The following SCAF8 variants were observed in gnomAD, a reference collection of about 807,000 sequenced individuals.
SCAF8 encodes the protein SR-related CTD associated factor 8.
SCAF8 carries 23 observed loss-of-function variants against 140.5 expected under a neutral mutation model. That is an observed-to-expected ratio of 0.16 (90% CI 0.12 to 0.23). The LOEUF is 0.23. SCAF8 is among the 10% of genes least tolerant of loss of function. SCAF8 has a pLI of 1.00. For synonymous variants in SCAF8, 575 were observed against 528.9 expected (o/e 1.09, Z -1.20); for missense variants, 1,397 against 1,555.7 (o/e 0.90, Z 1.72).
In SCAF8 at chr6:154,805,355, G is replaced by C; in HGVS notation, c.864-14G>C. On this transcript the variant is annotated splice_polypyrimidine_tract_variant and intron_variant, in intron 8 of 19. Coordinates refer to ENST00000367178, the MANE Select transcript of SCAF8 (RefSeq NM_014892.5). ...TGGGTTTTAAAATATGTTTCCACCT[G>C]TTTTTCCTTTTAGTTCTCACGTTTC... is the stretch of plus-strand genomic sequence containing the variant. 1.3e-6 allele frequency: 2 copies of C among 1,490,612 alleles called. No homozygotes were observed. Among genetic ancestry groups the C allele is most frequent in the South Asian group, 1.1e-5 (1 of 86,998 alleles). The allele number at this position is 1,490,612 out of a possible 1,614,324, so 92.3% of individuals were successfully genotyped here. A position where few individuals can be genotyped will look rare whatever the true frequency, so the allele number is the denominator to read the frequency against.
chr6:154,767,939 T>G (rs1285984809), intron 1 of SCAF8, among the ~76,000 whole-genome samples: 2 of 152,188 alleles, frequency 1.3e-5, no homozygotes, highest in African/African-American at 2.4e-5. Flanking sequence ...CTGTCACCTC[T>G]CTTTTGCTTT....
chr6:154,782,428 CAAAA>C, intron 3 of SCAF8, among the ~76,000 whole-genome samples: 1 of 152,036 alleles, frequency 6.6e-6, no homozygotes, highest in East Asian at 1.9e-4. Flanking sequence ...CAAAACAAAA[CAAAA>C]CAAACAAACA....
chr6:154,777,024 T>C (rs546366800), intron 2 of SCAF8, among the ~76,000 whole-genome samples: 12 of 152,096 alleles, frequency 7.9e-5, no homozygotes, highest in Non-Finnish European at 1.3e-4. Flanking sequence ...CTACTAAAAA[T>C]ACAAAAATTA....
intron 3 of SCAF8, among the ~76,000 whole-genome samples, chr6:154,782,852 T>TTA (rs1179236628): frequency 6.6e-6 from 1 of 152,154 alleles, no homozygotes; most frequent in Admixed American, 6.5e-5. Flanking sequence ...TGGCAGCTGA[T>TTA]TAGATGGTGC....
intron 8 of SCAF8, 127 bp from the exon 9 acceptor site, chr6:154,805,242 G>T: frequency 3.6e-6 from 2 of 561,986 alleles, no homozygotes; most frequent in Non-Finnish European, 3.2e-6. Context: ...TATTAAAATT[G>T]CAAAAGAAAA....
chr6:154,828,324 T>C (rs900753941), intron 18 of SCAF8, among the ~76,000 whole-genome samples: 1 of 152,146 alleles, frequency 6.6e-6, no homozygotes, highest in Non-Finnish European at 1.5e-5. Context: ...TCAGGGTAGA[T>C]GCTATTTTTT....
chr6:154,741,468 A>G (rs1412856152), intron 1 of SCAF8, among the ~76,000 whole-genome samples: 1 of 151,762 alleles, frequency 6.6e-6, no homozygotes, highest in Non-Finnish European at 1.5e-5. Flanking sequence ...GTGCAGAGGC[A>G]TGATCTTGGC....
chr6:154,811,144 C>A (rs907674164), intron 12 of SCAF8, among the ~76,000 whole-genome samples: 1 of 152,110 alleles, frequency 6.6e-6, no homozygotes, highest in African/African-American at 2.4e-5. Flanking sequence ...TATTGATTAT[C>A]CTTGCTCTAG....
At chr6:154,792,534 A>G (rs1055194527) in intron 4 of SCAF8, among the ~76,000 whole-genome samples, 2 of 152,182 alleles carry the variant, frequency 1.3e-5, no homozygotes, top group African/African-American at 4.8e-5. Context: ...CAGCCTTACC[A>G]TCCATATCAT....
rs148466486 is a variant in SCAF8, at chr6:154,768,410, A to G, written c.31-5579A>G. ...TTTTTACTATGATATGCAATTTATT[A>G]GAGAGATGAACTGCTCATGCAGAAA... On this transcript the variant is annotated intron_variant, in intron 1 of 19. Coordinates refer to ENST00000367178, the MANE Select transcript of SCAF8 (RefSeq NM_014892.5). Among the ~76,000 whole-genome samples the G allele has an allele frequency of 7.1e-3, 1,078 of 152,348 alleles. 12 individuals carry two copies. The highest frequency in any genetic ancestry group is 0.011 in the Non-Finnish European group (779 of 68,028).
At position 154,744,010 on chromosome 6, in the gene SCAF8, C is replaced by G. The variant is rs1466456844; in HGVS notation, c.30+10080C>G. ...CCAAACATTTATTAGAAATTAACCA[C>G]TTTACTGGGCACGGTGGCTCACGCC... On this transcript the variant is annotated intron_variant, in intron 1 of 19. Coordinates refer to ENST00000367178, the MANE Select transcript of SCAF8 (RefSeq NM_014892.5). Among the ~76,000 whole-genome samples, 9 of 152,264 alleles carry G rather than the reference C, an allele frequency of 5.9e-5. No individual in the cohort carries two copies. In the East Asian group the frequency reaches 1.5e-3, roughly 26 times the overall value.
chr6:154,794,902 T>C (rs1777553968), intron 5 of SCAF8, 107 bp from the exon 6 acceptor site: 2 of 994,440 alleles, frequency 2.0e-6, no homozygotes, highest in South Asian at 1.7e-5. Flanking sequence ...AAAAACAATA[T>C]GCGTGCATGT....
rs549924327 is a variant in SCAF8 at position 154,756,144 on chromosome 6, T to G, written c.31-17845T>G. On this transcript the variant is annotated intron_variant, in intron 1 of 19. Transcript: ENST00000367178. Reference sequence around the variant, plus strand: ...AGATCTTGTGTTAATGAGGAAAAGTTTGAGGTCCTAAATACCACTTTTGTG... The same window carrying G: ...AGATCTTGTGTTAATGAGGAAAAGTGTGAGGTCCTAAATACCACTTTTGTG... 5.9e-5 allele frequency among the ~76,000 whole-genome samples: 9 copies of G among 152,382 alleles called. No homozygotes were observed. In the South Asian group the frequency reaches 1.9e-3, roughly 32 times the overall value.
At chr6:154,820,080 T>G in intron 14 of SCAF8, 97 bp from the exon 15 acceptor site, 1 of 900,668 alleles carries the variant, frequency 1.1e-6, no homozygotes, top group Non-Finnish European at 1.6e-6. Context: ...CCAATTTTAA[T>G]GTGTTTACAT....
Position 154,827,048 on chromosome 6 carries a change from T to C in SCAF8, c.2072-124T>C, listed in dbSNP as rs41292930. ...AGCCATTTCTAAAATAGAAAAAATA[T>C]ATATAAATATGAGGTTGTAGTCCAT... is the stretch of plus-strand genomic sequence containing the variant. On this transcript the variant is annotated intron_variant, in intron 17 of 19. Transcript: ENST00000367178. The C allele has an allele frequency of 9.1e-3, 6,667 of 729,656 alleles. 60 individuals are homozygous for C. The highest frequency in any genetic ancestry group is 0.012 in the Non-Finnish European group (5,466 of 459,816). 45.2% of individuals were successfully genotyped at this position (729,656 alleles called of 1,614,324 possible). A position where few individuals can be genotyped will look rare whatever the true frequency, so the allele number is the denominator to read the frequency against.
chr6:154,741,670 G>C (rs139626529), intron 1 of SCAF8, among the ~76,000 whole-genome samples: 1 of 152,138 alleles, frequency 6.6e-6, no homozygotes, highest in South Asian at 2.1e-4. Context: ...GCCTCCCAAA[G>C]TGCTGGGATT....
At chr6:154,745,922 GTCA>G (rs1778688199) in intron 1 of SCAF8, among the ~76,000 whole-genome samples, 1 of 152,064 alleles carries the variant, frequency 6.6e-6, no homozygotes, top group Non-Finnish European at 1.5e-5. Flanking sequence ...CTCTGTCACT[GTCA>G]CCCAGGCTAG....
intron 1 of SCAF8, among the ~76,000 whole-genome samples, chr6:154,740,645 T>C (rs1482096379): frequency 6.9e-6 from 1 of 144,796 alleles, no homozygotes; most frequent in Non-Finnish European, 1.5e-5. Flanking sequence ...TTTTTGAGAC[T>C]GGGTCTTGCT....
intron 9 of SCAF8, among the ~76,000 whole-genome samples, chr6:154,805,705 T>C (rs1777893726): frequency 6.6e-6 from 1 of 152,018 alleles, no homozygotes; most frequent in Non-Finnish European, 1.5e-5. Context: ...ACCTTTATGG[T>C]TTTTTCTGTA....
Sources: gnomAD v4.1 joint callset for allele counts (sites outside exome capture counted in the v4.1 genomes callset) on GRCh38, gnomAD v4.1.1 for gene constraint, MANE v1.5 for transcripts, NCBI Gene and HGNC (gene_info 2026-07-23, HGNC 2026-07-21) for gene names.